The following NEGR1 variants were observed in gnomAD, a reference collection of about 807,000 sequenced individuals.
NEGR1 encodes the protein neuronal growth regulator 1.
In NEGR1, 10 loss-of-function variants were observed where a neutral mutation model predicts 40.9. The ratio of observed to expected loss-of-function variants is 0.24; its 90% CI spans 0.15 to 0.42. NEGR1 has a LOEUF of 0.42. Ranked by LOEUF, NEGR1 falls within the 10% of genes least tolerant of loss-of-function variation. NEGR1 has a pLI of 1.00. For missense variants in NEGR1, 352 were observed against 438.9 expected, an observed-to-expected ratio of 0.80 and a Z score of 1.77; for synonymous variants, 185 against 166.8, an observed-to-expected ratio of 1.11 and a Z score of -0.84.
intron 3 of NEGR1, among the ~76,000 whole-genome samples, chr1:71,709,611 G>T (rs1654014097): frequency 1.3e-5 from 2 of 152,072 alleles, no homozygotes; most frequent in Non-Finnish European, 2.9e-5. Context: ...CAAGAACAGT[G>T]GGGAAAAGGC....
intron 1 of NEGR1, among the ~76,000 whole-genome samples, chr1:71,939,719 A>G (rs1645941927): frequency 6.6e-6 from 1 of 152,128 alleles, no homozygotes; most frequent in East Asian, 1.9e-4. Context: ...GCAGATCAAG[A>G]AAATCATTCA....
At chr1:71,792,083 G>A (rs1250489185) in intron 2 of NEGR1, among the ~76,000 whole-genome samples, 3 of 152,078 alleles carry the variant, frequency 2.0e-5, no homozygotes, top group Admixed American at 6.6e-5. Flanking sequence ...AATAATGGAC[G>A]CAAAAACAAA....
intron 4 of NEGR1, among the ~76,000 whole-genome samples, chr1:71,688,465 T>G (rs529553268): frequency 0.02 from 71 of 3,508 alleles, no homozygotes; most frequent in African/African-American, 0.044. Flanking sequence ...TATATATCTT[T>G]TTTTTTTTTT....
intron 1 of NEGR1, among the ~76,000 whole-genome samples, chr1:72,121,310 T>C (rs1039693535): frequency 5.9e-5 from 9 of 152,002 alleles, no homozygotes; most frequent in African/African-American, 1.9e-4. Context: ...TCTGAGTCCA[T>C]ACTTCCAAGA....
intron 1 of NEGR1, among the ~76,000 whole-genome samples, chr1:72,196,542 G>A (rs987738961): frequency 7.9e-5 from 12 of 152,066 alleles, no homozygotes; most frequent in Non-Finnish European, 1.8e-4. Context: ...GTCCGAGGCA[G>A]GCAGATCACC....
intron 4 of NEGR1, among the ~76,000 whole-genome samples, chr1:71,685,430 C>T (rs972176666): frequency 6.6e-6 from 1 of 150,738 alleles, no homozygotes; most frequent in Non-Finnish European, 1.5e-5. Flanking sequence ...TCAAGCGATT[C>T]GCCTGCCTTA....
chr1:71,794,381 T>C (rs1557654743), intron 2 of NEGR1: 3 of 152,166 alleles, frequency 2.0e-5, no homozygotes, highest in Non-Finnish European at 1.5e-5. Context: ...ATGCTAATTA[T>C]AAAATGCCGG....
At chr1:71,917,779 TAAAA>T (rs79120253) in intron 2 of NEGR1, among the ~76,000 whole-genome samples, 1 of 120,448 alleles carries the variant, frequency 8.3e-6, no homozygotes. Flanking sequence ...GACTCCGTCT[TAAAA>T]AAAAAAAAAA....
chr1:72,056,417 T>A (rs1477438390), intron 1 of NEGR1, among the ~76,000 whole-genome samples: 1 of 151,428 alleles, frequency 6.6e-6, no homozygotes, highest in African/African-American at 2.4e-5. Context: ...CTGGCTGGAT[T>A]TGGTTAGGAT....
At chr1:71,535,557 C>T (rs937082957) in intron 6 of NEGR1, among the ~76,000 whole-genome samples, 60 of 151,622 alleles carry the variant, frequency 4.0e-4, no homozygotes, top group Non-Finnish European at 7.5e-4. Flanking sequence ...TTTTTCCCCA[C>T]GTAGGCCAAG....
intron 3 of NEGR1, among the ~76,000 whole-genome samples, chr1:71,767,521 G>T (rs976807040): frequency 1.3e-5 from 2 of 152,156 alleles, no homozygotes; most frequent in African/African-American, 4.8e-5. Flanking sequence ...TGTGGGCAAA[G>T]AAATGACCTG....
At chr1:71,559,573 T>G (rs2101478639) in intron 6 of NEGR1, among the ~76,000 whole-genome samples, 1 of 151,722 alleles carries the variant, frequency 6.6e-6, no homozygotes. Flanking sequence ...GTATATCCAC[T>G]AACACAATAC....
At chr1:71,804,373 T>C (rs1315571432) in intron 2 of NEGR1, among the ~76,000 whole-genome samples, 1 of 152,114 alleles carries the variant, frequency 6.6e-6, no homozygotes, top group Non-Finnish European at 1.5e-5. Flanking sequence ...CATGGTCCAG[T>C]AGCTGGCCTC....
chr1:71,670,733 T>C (rs1401552671), intron 4 of NEGR1, among the ~76,000 whole-genome samples: 1 of 152,062 alleles, frequency 6.6e-6, no homozygotes, highest in East Asian at 1.9e-4. Context: ...TACACATCCA[T>C]TTTGTCTCCT....
At chr1:72,036,383 C>T (rs148681486) in intron 1 of NEGR1, among the ~76,000 whole-genome samples, 246 of 152,166 alleles carry the variant, frequency 1.6e-3, no homozygotes, top group Non-Finnish European at 2.8e-3. Flanking sequence ...TGGCTGGGCA[C>T]GTTGGCTCAC....
At chr1:71,823,607 T>A (rs1366068626) in intron 2 of NEGR1, among the ~76,000 whole-genome samples, 2 of 152,034 alleles carry the variant, frequency 1.3e-5, no homozygotes, top group Non-Finnish European at 2.9e-5. Context: ...CTTCATAGCA[T>A]CTCAGACCTG....
chr1:71,777,627 T>C (rs1656557451), intron 2 of NEGR1, among the ~76,000 whole-genome samples: 1 of 152,104 alleles, frequency 6.6e-6, no homozygotes, highest in African/African-American at 2.4e-5. Context: ...ATTGTTCCCT[T>C]CTTTGGGTTT....
At chr1:71,880,382 G>A (rs1570461664) in intron 2 of NEGR1, among the ~76,000 whole-genome samples, 2 of 151,756 alleles carry the variant, frequency 1.3e-5, no homozygotes, top group Admixed American at 6.6e-5. Flanking sequence ...AGTATATTTC[G>A]AGAGACAAAA....
intron 4 of NEGR1, among the ~76,000 whole-genome samples, chr1:71,688,384 G>GATATAAAAAAGATAGATATGAT (rs71070894): frequency 3.2e-5 from 1 of 31,722 alleles, no homozygotes; most frequent in Non-Finnish European, 5.9e-5. Flanking sequence ...ATACATAAAA[G>GATATAAAAAAGATAGATATGAT]ATATATAAAA....
Sources: gnomAD v4.1 joint callset for allele counts (sites outside exome capture counted in the v4.1 genomes callset) on GRCh38, gnomAD v4.1.1 for gene constraint, MANE v1.5 for transcripts, NCBI Gene and HGNC (gene_info 2026-07-23, HGNC 2026-07-21) for gene names.